ZNF48: variants seen among roughly 807,000 people sequenced by gnomAD.
The protein encoded by ZNF48 is zinc finger protein 553.
Under a neutral mutation model 40.0 loss-of-function variants are expected in ZNF48, and 20 were observed. That is an observed-to-expected ratio of 0.50 (90% CI 0.35 to 0.73). The LOEUF (loss-of-function observed/expected upper bound fraction) is 0.73, where lower values mean the gene tolerates loss of function less well. Among genes scored for constraint, ZNF48 ranks in the 30% least tolerant of loss-of-function variants. ZNF48 has a pLI of 0.01. For missense variants in ZNF48, 726 were observed against 851.9 expected (o/e 0.85, Z 1.84); for synonymous variants, 298 against 329.7 (o/e 0.90, Z 1.04).
At chr16:30,387,668 C>T (rs1225374888) in intron 1 of ZNF48, among the ~76,000 whole-genome samples, 1 of 150,602 alleles carries the variant, frequency 6.6e-6, no homozygotes, top group Non-Finnish European at 1.5e-5. Context: ...AAGTGATTCT[C>T]CTGCCTCAGC....
Position 30,398,538 on chromosome 16 carries a change from G to C in ZNF48, c.1288G>C (p.Glu430Gln), listed in dbSNP as rs2050014795. Residue 430 changes from glutamate (E) to glutamine (Q), a missense_variant, in exon 3 of 3, where the codon GAG becomes CAG. Transcript: ENST00000613509. This position sits in a 1 kb window ranked among gnomAD's most constrained non-coding sequence, Gnocchi z 6.6. ...SGEPFGLPGL[E>Q]PEPGGPQAGE... ...TGAGCCTTTTGGCCTGCCTGGCTTG[G>C]AGCCAGAGCCTGGGGGCCCACAGGC... 1 of 1,606,734 alleles carries C rather than the reference G, an allele frequency of 6.2e-7. No homozygotes were observed. Among genetic ancestry groups the C allele is most frequent in the South Asian group, 1.1e-5 (1 of 90,526 alleles).
At position 30,379,693 on chromosome 16, in the gene ZNF48, G is replaced by C. The variant is rs564764554; in HGVS notation, c.-16+1283G>C. 3.5e-4 allele frequency: 179 copies of C among 516,338 alleles called. 1 individual carries two copies. The African/African-American group carries it at 4.0e-3, about 12-fold the overall frequency. 32.0% of individuals were successfully genotyped at this position (516,338 alleles called of 1,614,324 possible). A position where few individuals can be genotyped will look rare whatever the true frequency, so the allele number is the denominator to read the frequency against. ...AGACAGGGTCTCACTCCATTGCCCAGGCTGGAGTGTTCAAGTGATTCTCCT... is the reference window on the plus strand; with the variant it reads ...AGACAGGGTCTCACTCCATTGCCCACGCTGGAGTGTTCAAGTGATTCTCCT... On this transcript the variant is annotated intron_variant, in intron 1 of 2. Transcript: ENST00000528032.
intron 1 of ZNF48, chr16:30,383,077 G>A: frequency 4.2e-6 from 2 of 472,398 alleles, no homozygotes; most frequent in Non-Finnish European, 3.9e-6. Context: ...AGCTACTGGG[G>A]AGGCTGAGGT....
At chr16:30,393,720 TTC>T (rs1234740389), upstream of ZNF48, among the ~76,000 whole-genome samples, 2 of 151,614 alleles carry the variant, frequency 1.3e-5, no homozygotes, top group African/African-American at 2.4e-5. Context: ...CTCTCTTTCT[TTC>T]TCTTTTTTTT....
At chr16:30,385,953 C>T (rs1479922908) in intron 1 of ZNF48, among the ~76,000 whole-genome samples, 3 of 151,724 alleles carry the variant, frequency 2.0e-5, no homozygotes, top group South Asian at 4.2e-4. Flanking sequence ...TAGCAAGACC[C>T]GATCTGTATT....
In ZNF48 at chr16:30,398,697, G is replaced by T. The variant is rs1357383801; in HGVS notation, c.1447G>T (p.Glu483Ter). The T allele has an allele frequency of 6.2e-7, 1 of 1,613,586 alleles. No homozygotes were observed. Among genetic ancestry groups the T allele is most frequent in the South Asian group, 1.1e-5 (1 of 91,054 alleles). ...AGGGGAGAAACCCTACCTCTGTCCT[G>T]AATGCGGCAAGGGTTTTGCTGACAG... Reference protein sequence around the residue: ...HTGEKPYLCPECGKGFADSSA... With the variant: ...HTGEKPYLCP Residue 483 changes from glutamate (E) to a stop codon, truncating the protein, a stop_gained, in exon 3 of 3, where the codon GAA becomes TAA. Coordinates refer to ENST00000613509, the MANE Select transcript of ZNF48 (RefSeq NM_001214909.2). LOFTEE classifies it high-confidence loss of function. This position sits in a 1 kb window ranked among gnomAD's most constrained non-coding sequence, Gnocchi z 6.6.
intron 1 of ZNF48, chr16:30,378,442 C>T (rs1470907756): frequency 1.3e-6 from 2 of 1,571,130 alleles, no homozygotes; most frequent in East Asian, 2.3e-5. Flanking sequence ...CCTCAGAGGG[C>T]GTCTGACTGC....
chr16:30,378,640 G>C, intron 1 of ZNF48: 1 of 1,610,794 alleles, frequency 6.2e-7, no homozygotes, highest in Non-Finnish European at 8.5e-7. Flanking sequence ...TCAGCTTCTC[G>C]GTGTCCGCCA....
chr16:30,397,996 G>T lies in ZNF48; in HGVS notation c.746G>T (p.Arg249Leu). Reference protein sequence around the residue: ...QRTHRGEQPPRPVVPRRQPSR... With the variant: ...QRTHRGEQPPLPVVPRRQPSR... ...ACACACCGGGGGGAGCAGCCCCCCC[G>T]ACCAGTGGTGCCCCGACGGCAGCCA... Residue 249 changes from arginine to leucine, a missense_variant, in exon 3 of 3, where the codon CGA (arginine) becomes CTA (leucine). Arg to Leu is a moderately radical substitution (Grantham distance 102). Around this residue, in one of 5 missense-constraint regions of ZNF48, gnomAD observed 378 missense variants for 449.1 expected, o/e 0.84. Transcript: ENST00000613509. This position sits in a 1 kb window ranked among gnomAD's most constrained non-coding sequence, Gnocchi z 4.1. The T allele has an allele frequency of 6.2e-7, 1 of 1,613,452 alleles. No individual in the cohort carries two copies. The highest frequency in any genetic ancestry group is 8.5e-7 in the Non-Finnish European group (1 of 1,179,776).
chr16:30,382,692 T>C lies in ZNF48; in HGVS notation c.-16+4282T>C, dbSNP rs779015437. 1 of 1,532,498 alleles carries C rather than the reference T, an allele frequency of 6.5e-7. No homozygotes were observed. The allele number at this position is 1,532,498 out of a possible 1,614,324, so 94.9% of individuals were successfully genotyped here. On this transcript the variant is annotated intron_variant, in intron 1 of 2. Coordinates refer to the ZNF48 transcript ENST00000528032. The surrounding 1 kb of genome is among the most constrained non-coding windows in gnomAD (Gnocchi z 4.8). ...AGGCCAAGGCCAAGAACACTTGGGG[T>C]TGCCACCTCCTGGACCCCTTTGCCC...
chr16:30,379,626 TC>T (rs1297970149), intron 1 of ZNF48: 1 of 575,086 alleles, frequency 1.7e-6, no homozygotes, highest in Non-Finnish European at 3.0e-6. Flanking sequence ...CTCCTCTGCT[TC>T]CTGCCCCTTC....
chr16:30,385,036 C>A (rs1436149588), intron 1 of ZNF48, among the ~76,000 whole-genome samples: 1 of 151,826 alleles, frequency 6.6e-6, no homozygotes, highest in Non-Finnish European at 1.5e-5. Flanking sequence ...ATTAGCAGGG[C>A]GTGATGGCGC....
upstream of ZNF48, among the ~76,000 whole-genome samples, chr16:30,393,797 C>T (rs984251831): frequency 2.6e-5 from 4 of 152,022 alleles, no homozygotes; most frequent in African/African-American, 9.7e-5. Context: ...TTTACTGCAG[C>T]CTCAACCTCC....
rs910666163 is a variant in ZNF48, at chr16:30,382,356, A to G, written c.-16+3946A>G. On this transcript the variant is annotated intron_variant, in intron 1 of 2. Coordinates refer to the ZNF48 transcript ENST00000528032. This position sits in a 1 kb window ranked among gnomAD's most constrained non-coding sequence, Gnocchi z 4.8. ...TTGGGGAGGGCAGCAAAACCCACGT[A>G]CTCCTTGTCCTATGGATGGGGGTGG... 5 of 1,611,692 alleles carry G rather than the reference A, an allele frequency of 3.1e-6. No individual in the cohort carries two copies. The highest frequency in any genetic ancestry group is 3.4e-6 in the Non-Finnish European group (4 of 1,178,802).
chr16:30,390,601 GTTTTTTTTTTTTTTTTTTTT>G (rs796708706), upstream of ZNF48, among the ~76,000 whole-genome samples: 52 of 53,370 alleles, frequency 9.7e-4, no homozygotes, highest in Admixed American at 6.3e-3. Flanking sequence ...GTAGAGACGG[GTTTTTTTTTTTTTTTTTTTT>G]TTTTTTTTTT....
chr16:30,396,621 A>G (rs1244339650), intron 2 of ZNF48, among the ~76,000 whole-genome samples: 1 of 152,018 alleles, frequency 6.6e-6, no homozygotes, highest in Non-Finnish European at 1.5e-5. Context: ...CAAATAGACA[A>G]TATAATGTAG....
chr16:30,399,308 G>T lies in ZNF48; in HGVS notation c.*201G>T. On this transcript the variant is annotated 3_prime_UTR_variant, in exon 3 of 3. Transcript: ENST00000613509. The stretch of plus-strand genomic sequence containing the variant: ...CTGGGCTGAGTCAGGACCTTGCCAG[G>T]ACGGGCTGTACCCCTGGCTTCTAGA... 1.8e-6 allele frequency: 1 copy of T among 552,604 alleles called. No individual in the cohort carries two copies. 34.2% of individuals were successfully genotyped at this position (552,604 alleles called of 1,614,324 possible). A position where few individuals can be genotyped will look rare whatever the true frequency, so the allele number is the denominator to read the frequency against.
upstream of ZNF48, chr16:30,395,284 C>G (rs2049970907): frequency 2.2e-6 from 1 of 455,946 alleles, no homozygotes. The surrounding 1 kb of genome is among the most constrained non-coding windows in gnomAD (Gnocchi z 5.9). Flanking sequence ...CCGGCCTCGG[C>G]TTAGAGTAGC....
chr16:30,389,815 A>C (rs1463743115), intron 1 of ZNF48, among the ~76,000 whole-genome samples: 2 of 10,512 alleles, frequency 1.9e-4, no homozygotes, highest in Admixed American at 2.5e-3. Flanking sequence ...CATTTGGATT[A>C]GTTTTTTTTT....
Sources: allele counts gnomAD v4.1 joint callset (sites outside exome capture counted in the v4.1 genomes callset), GRCh38; gene constraint gnomAD v4.1.1; regional missense constraint gnomAD v4.1.1; non-coding constraint Gnocchi (gnomAD v3.1); transcripts MANE v1.5; gene names NCBI Gene and HGNC (gene_info 2026-07-23, HGNC 2026-07-21).